The following ANKLE2 variants were observed in gnomAD, a reference collection of about 807,000 sequenced individuals.
ANKLE2 encodes the protein ankyrin repeat and LEM domain-containing protein 2.
In ANKLE2, 55 loss-of-function variants were observed where a neutral mutation model predicts 84.2. The ratio of observed to expected loss-of-function variants is 0.65; its 90% confidence interval spans 0.53 to 0.82. The LOEUF (loss-of-function observed/expected upper bound fraction) is 0.82. Among genes scored for constraint, ANKLE2 ranks in the 40% least tolerant of loss-of-function variants. The pLI, the probability that ANKLE2 is intolerant of heterozygous loss-of-function variation, is 0.00. For synonymous variants in ANKLE2, 551 were observed against 486.1 expected (o/e 1.13, Z -1.76); for missense variants, 1,238 against 1,201.9 (o/e 1.03, Z -0.44).
At chr12:132,744,020 C>G (rs533838492) in intron 5 of ANKLE2, among the ~76,000 whole-genome samples, 1 of 152,356 alleles carries the variant, frequency 6.6e-6, no homozygotes, top group East Asian at 1.9e-4. Context: ...GCATCGCGCC[C>G]TGGCTGGGAA....
rs759792774 is a variant in ANKLE2 at position 132,755,132 on chromosome 12, AC to A, written c.182del (p.Gly61ValfsTer3). The A allele has an allele frequency of 6.3e-7, 1 of 1,593,948 alleles. No homozygotes were observed. Among genetic ancestry groups the A allele is most frequent in the South Asian group, 1.1e-5 (1 of 89,248 alleles). ...PPSAAAAPAS[G>X]EMTMDALLAR... ...CCAACAGAGCATCCATTGTCATTTC[AC>A]CTAGGCCCAAGACAAAAAAATCAAA... is the stretch of plus-strand genomic sequence containing the variant. On this transcript the variant is annotated frameshift_variant and splice_region_variant, in exon 2 of 13. Transcript: ENST00000357997. LOFTEE classifies it high-confidence loss of function.
At chr12:132,745,140 A>C (rs893830744) in intron 5 of ANKLE2, 3 of 153,134 alleles carry the variant, frequency 2.0e-5, no homozygotes, top group Non-Finnish European at 4.4e-5. Flanking sequence ...ACCGCGGCCC[A>C]TGACTGCCTG....
chr12:132,729,567 AGATGAGGGGAGTGGATGG>A, intron 11 of ANKLE2, 94 bp downstream of exon 11: 1 of 24,674 alleles, frequency 4.1e-5, no homozygotes, highest in African/African-American at 3.7e-4. Context: ...GGGAAGGGGG[AGATGAGGGGAGTGGATGG>A]GTGGGAGGGG....
chr12:132,735,634 T>G, intron 8 of ANKLE2, 122 bp from the exon 9 acceptor site: 1 of 744,312 alleles, frequency 1.3e-6, no homozygotes, highest in Non-Finnish European at 2.2e-6. Context: ...TTCTCTCCCC[T>G]TCACTAGCAG....
intron 2 of ANKLE2, among the ~76,000 whole-genome samples, chr12:132,753,733 TC>T (rs2044412592): frequency 6.6e-6 from 1 of 151,664 alleles, no homozygotes; most frequent in African/African-American, 2.4e-5. Flanking sequence ...AGTGCGAGAC[TC>T]TGTCTCAAAA....
Position 132,735,475 on chromosome 12 carries a change from C to T in ANKLE2, c.1631G>A (p.Arg544Gln), listed in dbSNP as rs548791422. The T allele has an allele frequency of 3.7e-6, 6 of 1,613,770 alleles. No homozygotes were observed. The highest frequency in any genetic ancestry group is 4.5e-5 in the East Asian group (2 of 44,880). Residue 544 changes from arginine (R) to glutamine (Q), a missense_variant, in exon 9 of 13, where the codon CGA becomes CAA. Arg to Gln is a conservative substitution (Grantham distance 43, BLOSUM62 1). This residue lies in a region of ANKLE2 where 802 missense variants were observed against 774.5 expected (regional missense o/e 1.04). Coordinates refer to ENST00000357997, the MANE Select transcript of ANKLE2 (RefSeq NM_015114.3). ...DFRKLWKTPPREKAGFLHHVK... is the reference protein window; with the variant it reads ...DFRKLWKTPPQEKAGFLHHVK... ...GTGGTGAAGGAAGCCTGCTTTCTCT[C>T]GAGGTGGAGTTTTCCAGAGCTTGCG...
At chr12:132,736,496 G>A (rs1328457494) in intron 8 of ANKLE2, among the ~76,000 whole-genome samples, 1 of 152,226 alleles carries the variant, frequency 6.6e-6, no homozygotes, top group Non-Finnish European at 1.5e-5. Flanking sequence ...GCAGCCACAG[G>A]GAAACGTGGT....
chr12:132,736,788 G>A (rs927166265), intron 8 of ANKLE2, 105 bp downstream of exon 8: 2 of 1,363,708 alleles, frequency 1.5e-6, no homozygotes, highest in Non-Finnish European at 2.0e-6. Context: ...GGGCTCCACA[G>A]GACATGGTCC....
At chr12:132,739,508 G>A (rs1236909553) in intron 7 of ANKLE2, among the ~76,000 whole-genome samples, 1 of 152,130 alleles carries the variant, frequency 6.6e-6, no homozygotes, top group African/African-American at 2.4e-5. Context: ...GTGCATGGTA[G>A]GTATACGGTA....
chr12:132,741,619 A>G, intron 6 of ANKLE2, 134 bp from the exon 7 acceptor site: 1 of 869,074 alleles, frequency 1.2e-6, no homozygotes, highest in African/African-American at 1.7e-5. Flanking sequence ...AATAAAGCTC[A>G]CACTCAGAAA....
At position 132,726,753 on chromosome 12, in the gene ANKLE2, T is replaced by G. The variant is rs750183363; in HGVS notation, c.*489A>C. On this transcript the variant is annotated 3_prime_UTR_variant, in exon 13 of 13. Coordinates refer to ENST00000357997, the MANE Select transcript of ANKLE2 (RefSeq NM_015114.3). ...GACCCACGGGCGAACCAACAGGCAC[T>G]CTGCCACCATCAGATGCCACCCCCC... 6.5e-6 allele frequency: 1 copy of G among 153,508 alleles called. No homozygotes were observed. The highest frequency in any genetic ancestry group is 1.4e-5 in the Non-Finnish European group (1 of 69,046). 9.5% of individuals were successfully genotyped at this position (153,508 alleles called of 1,614,324 possible). A position where few individuals can be genotyped will look rare whatever the true frequency, so the allele number is the denominator to read the frequency against.
At chr12:132,738,341 C>T (rs6560900) in intron 7 of ANKLE2, 62,114 of 151,866 alleles carry the variant, frequency 0.41, 13,079 homozygotes, top group Non-Finnish European at 0.46. Flanking sequence ...CACGGGACAG[C>T]GCAGTCAAGC....
In ANKLE2 at chr12:132,743,270, C is replaced by T. The variant is rs753311006; in HGVS notation, c.1237G>A (p.Asp413Asn). The change falls in exon 6 of 13, where the codon GAC becomes AAC. Residue 413 changes from aspartate (D) to asparagine (N), a missense_variant. Transcript: ENST00000357997. This position sits in a 1 kb window ranked among gnomAD's most constrained non-coding sequence, Gnocchi z 4.1. ...YLNTPDKMGYDTPLHFACKFG... is the reference protein window; with the variant it reads ...YLNTPDKMGYNTPLHFACKFG... ...TTACAAGCAAAATGCAACGGTGTGT[C>T]ATAGCCCTGAAAAAAGGTGCAGAGG... 6.2e-7 allele frequency: 1 copy of T among 1,604,218 alleles called. No individual in the cohort carries two copies. Among genetic ancestry groups the T allele is most frequent in the Admixed American group, 1.7e-5 (1 of 58,774 alleles).
chr12:132,737,438 G>T (rs566608933), intron 7 of ANKLE2: 1 of 163,452 alleles, frequency 6.1e-6, no homozygotes, highest in African/African-American at 2.4e-5. Flanking sequence ...ATTCCAGCCG[G>T]GTGCGGTGGC....
At position 132,730,147 on chromosome 12, in the gene ANKLE2, G is replaced by T. The variant is rs373315891; in HGVS notation, c.2015C>A (p.Thr672Lys). The change falls in exon 11 of 13, where the codon ACG (threonine) becomes AAG (lysine). Residue 672 changes from threonine (T) to lysine (K), a missense_variant. By Grantham distance (78) the Thr-to-Lys change is moderately conservative. This residue lies in a region of ANKLE2 where 802 missense variants were observed against 774.5 expected (regional missense o/e 1.04). Transcript: ENST00000357997. ...CTCCAAGGGGAAGGCGCTGCACCTCGTATGTCCAAAAGCACCGACTGTGGG... is the reference window on the plus strand; with the variant it reads ...CTCCAAGGGGAAGGCGCTGCACCTCTTATGTCCAAAAGCACCGACTGTGGG... ...SPPTVGAFGH[T>K]RCSAFPLEQE... 2.5e-6 allele frequency: 4 copies of T among 1,612,200 alleles called. No homozygotes were observed. The African/African-American group carries it at 4.0e-5, about 16-fold the overall frequency.
At chr12:132,738,314 G>C (rs1049069051) in intron 7 of ANKLE2, 2 of 152,316 alleles carry the variant, frequency 1.3e-5, no homozygotes, top group Admixed American at 6.5e-5. Context: ...ACAAGGAAGA[G>C]TAGTGTCTTC....
chr12:132,733,196 T>C (rs567506726), intron 10 of ANKLE2, among the ~76,000 whole-genome samples: 1 of 144,090 alleles, frequency 6.9e-6, no homozygotes, highest in African/African-American at 2.7e-5. Context: ...GTGTCTGATA[T>C]GCACCGTGTG....
rs781581704 is a variant in ANKLE2, at chr12:132,761,664, G to A, written c.135C>T (p.Ser45=). Residue 45 remains serine (S), a synonymous_variant, in exon 1 of 13, where the codon AGC becomes AGT. Coordinates refer to ENST00000357997, the MANE Select transcript of ANKLE2 (RefSeq NM_015114.3). ...CGCTTGGCGGAGGAACTGGGGTCCCGCTGCGGCCCAGACCTCCCGGCCGCG... is the reference window on the plus strand; with the variant it reads ...CGCTTGGCGGAGGAACTGGGGTCCCACTGCGGCCCAGACCTCCCGGCCGCG... The part of the protein sequence containing the change: ...LGPRPGGLGR[S]GTPVPPPSAA... 1.5e-6 allele frequency: 2 copies of A among 1,302,896 alleles called. No homozygotes were observed. Among genetic ancestry groups the A allele is most frequent in the East Asian group, 6.4e-5 (2 of 31,238 alleles). The allele number at this position is 1,302,896 out of a possible 1,614,324, so 80.7% of individuals were successfully genotyped here.
At chr12:132,755,169 A>C in intron 1 of ANKLE2, 36 bp from the exon 2 acceptor site, 2 of 1,540,016 alleles carry the variant, frequency 1.3e-6, no homozygotes, top group Non-Finnish European at 1.7e-6. Flanking sequence ...GAGTCACAAA[A>C]TACTAACACC....
Sources: allele counts gnomAD v4.1 joint callset (sites outside exome capture counted in the v4.1 genomes callset), GRCh38; gene constraint gnomAD v4.1.1; regional missense constraint gnomAD v4.1.1; non-coding constraint Gnocchi (gnomAD v3.1); transcripts MANE v1.5; gene names NCBI Gene and HGNC (gene_info 2026-07-23, HGNC 2026-07-21).